Variants in CSMD1 observed in about 807,000 individuals in gnomAD.
The protein encoded by CSMD1 is CUB and sushi domain-containing protein 1.
Under a neutral mutation model 417.5 loss-of-function variants are expected in CSMD1, and 213 were observed. That is an observed-to-expected ratio of 0.51 (90% CI 0.46 to 0.57). The LOEUF (loss-of-function observed/expected upper bound fraction) is 0.57, where lower values mean the gene tolerates loss of function less well. Ranked by LOEUF, CSMD1 falls within the 20% of genes least tolerant of loss-of-function variation. CSMD1 has a pLI of 0.00. For missense variants in CSMD1, 6,923 were observed against 4,529.7 expected (o/e 1.53, Z -15.17); for synonymous variants, 2,862 against 1,736.8 (o/e 1.65, Z -16.11).
At chr8:3,039,924 G>A (rs1047311907) in intron 50 of CSMD1, among the ~76,000 whole-genome samples, 2 of 152,060 alleles carry the variant, frequency 1.3e-5, no homozygotes, top group African/African-American at 4.8e-5. Flanking sequence ...AATTAATCTG[G>A]CTTTAATAAA....
intron 3 of CSMD1, among the ~76,000 whole-genome samples, chr8:4,074,675 C>T (rs1437973634): frequency 6.6e-6 from 1 of 151,636 alleles, no homozygotes; most frequent in Non-Finnish European, 1.5e-5. Flanking sequence ...GACAATGGTA[C>T]GTTAAAATTT....
intron 2 of CSMD1, among the ~76,000 whole-genome samples, chr8:4,432,202 T>A (rs906418669): frequency 6.6e-6 from 1 of 152,090 alleles, no homozygotes; most frequent in Non-Finnish European, 1.5e-5. Flanking sequence ...AAAGTAAAAT[T>A]GGAATTTAAA....
intron 3 of CSMD1, among the ~76,000 whole-genome samples, chr8:4,345,677 T>A (rs908876678): frequency 1.3e-5 from 2 of 152,082 alleles, no homozygotes; most frequent in African/African-American, 2.4e-5. Context: ...TCTCAAGATA[T>A]GAAATGGCCA....
Position 4,464,158 on chromosome 8 carries a change from A to C in CSMD1, c.303-44093T>G, listed in dbSNP as rs141701871. 3.9e-4 allele frequency among the ~76,000 whole-genome samples: 60 copies of C among 152,228 alleles called. No homozygotes were observed. In the East Asian group the frequency reaches 0.011, roughly 29 times the overall value. Reference sequence around the variant, plus strand: ...GGCTTATCCCTCCAGCTGGAATTCTACTTCCTCTCTACTTCACTTACAGGA... The same window carrying C: ...GGCTTATCCCTCCAGCTGGAATTCTCCTTCCTCTCTACTTCACTTACAGGA... On this transcript the variant is annotated intron_variant, in intron 2 of 69. Transcript: ENST00000635120.
intron 3 of CSMD1, among the ~76,000 whole-genome samples, chr8:4,386,808 G>A (rs768703349): frequency 6.6e-6 from 1 of 152,142 alleles, no homozygotes; most frequent in Admixed American, 6.5e-5. Context: ...AAATATTCTG[G>A]GCTCTTGGGA....
intron 2 of CSMD1, among the ~76,000 whole-genome samples, chr8:4,468,389 G>T (rs1006970643): frequency 1.3e-5 from 2 of 152,152 alleles, no homozygotes; most frequent in Admixed American, 6.5e-5. Flanking sequence ...ATAATATTTT[G>T]ATTTTAAACC....
At chr8:4,777,954 A>G (rs939979052) in intron 1 of CSMD1, among the ~76,000 whole-genome samples, 4 of 152,240 alleles carry the variant, frequency 2.6e-5, no homozygotes, top group Non-Finnish European at 5.9e-5. Flanking sequence ...GGGATGTGTG[A>G]CAAATACGTT....
intron 4 of CSMD1, among the ~76,000 whole-genome samples, chr8:4,001,103 G>A (rs1248334078): frequency 6.6e-6 from 1 of 151,770 alleles, no homozygotes; most frequent in Non-Finnish European, 1.5e-5. Flanking sequence ...TGTCATGGCA[G>A]TCGATGAGCT....
At chr8:4,670,194 G>A (rs1295534290) in intron 1 of CSMD1, among the ~76,000 whole-genome samples, 1 of 152,138 alleles carries the variant, frequency 6.6e-6, no homozygotes, top group Non-Finnish European at 1.5e-5. Flanking sequence ...GTCCCTCCAT[G>A]TATATTTCTG....
intron 26 of CSMD1, among the ~76,000 whole-genome samples, chr8:3,231,520 T>C (rs1339778383): frequency 2.0e-5 from 3 of 152,188 alleles, no homozygotes; most frequent in East Asian, 1.9e-4. Context: ...CATATACATA[T>C]GTCTACATAT....
In CSMD1 at chr8:3,714,481, G is replaced by C. The variant is rs543569764; in HGVS notation, c.932-5990C>G. Among the ~76,000 whole-genome samples, 208 of 148,808 alleles carry C rather than the reference G, an allele frequency of 1.4e-3. 3 individuals carry two copies. The Middle Eastern group carries it at 0.025, about 18-fold the overall frequency. On this transcript the variant is annotated intron_variant, in intron 6 of 69. Coordinates refer to ENST00000635120, the MANE Select transcript of CSMD1 (RefSeq NM_033225.6). The stretch of plus-strand genomic sequence containing the variant: ...TTCACATCTGTAATCCCAGCACTTT[G>C]GGAGGCTGAGACAGGGGATCACATG...
chr8:3,451,950 A>G (rs530580747), intron 12 of CSMD1, among the ~76,000 whole-genome samples: 84 of 152,184 alleles, frequency 5.5e-4, no homozygotes, highest in African/African-American at 2.0e-3. Flanking sequence ...ACCCATGAAC[A>G]TGGAATGTTC....
intron 25 of CSMD1, among the ~76,000 whole-genome samples, chr8:3,304,424 A>T (rs1261959015): frequency 1.3e-5 from 2 of 152,120 alleles, no homozygotes; most frequent in Admixed American, 1.3e-4. Flanking sequence ...TGTACTTCTA[A>T]TTATGGTTTT....
intron 2 of CSMD1, among the ~76,000 whole-genome samples, chr8:4,631,131 G>A (rs1056175406): frequency 6.6e-6 from 1 of 152,164 alleles, no homozygotes; most frequent in Non-Finnish European, 1.5e-5. Flanking sequence ...GGGAGGCCGA[G>A]GCGGGTGGAT....
At chr8:3,795,116 A>T (rs1464230635) in intron 5 of CSMD1, among the ~76,000 whole-genome samples, 1 of 71,198 alleles carries the variant, frequency 1.4e-5, no homozygotes, top group Non-Finnish European at 2.8e-5. Flanking sequence ...ACAGCTATAG[A>T]TATCTATCAT....
intron 1 of CSMD1, among the ~76,000 whole-genome samples, chr8:4,685,851 G>C (rs751014320): frequency 3.9e-5 from 6 of 152,180 alleles, no homozygotes; most frequent in South Asian, 2.1e-4. Context: ...TTATAGGTTT[G>C]CTAAAAGAGA....
chr8:3,047,654 AC>A (rs1811547633), intron 50 of CSMD1, among the ~76,000 whole-genome samples: 2 of 151,942 alleles, frequency 1.3e-5, no homozygotes, highest in South Asian at 2.1e-4. Context: ...CCCTTCCTTT[AC>A]CCCCAACCAA....
At chr8:2,969,844 A>C (rs1423111943) in intron 57 of CSMD1, among the ~76,000 whole-genome samples, 2 of 152,168 alleles carry the variant, frequency 1.3e-5, no homozygotes, top group Non-Finnish European at 2.9e-5. Context: ...TATGACTTTT[A>C]TACATAATTT....
chr8:4,409,292 A>C (rs993121146), intron 3 of CSMD1, among the ~76,000 whole-genome samples: 1 of 152,120 alleles, frequency 6.6e-6, no homozygotes, highest in Admixed American at 6.6e-5. Context: ...CTTTGTGTTA[A>C]GTCAATATAT....
Sources: gnomAD v4.1 joint callset for allele counts (sites outside exome capture counted in the v4.1 genomes callset) on GRCh38, gnomAD v4.1.1 for gene constraint, MANE v1.5 for transcripts, NCBI Gene and HGNC (gene_info 2026-07-23, HGNC 2026-07-21) for gene names.